Variants in ANK3 observed in about 807,000 individuals in gnomAD.
The protein encoded by ANK3 is ankyrin-3.
ANK3 carries 57 observed loss-of-function variants against 370.9 expected under a neutral mutation model. That is an observed-to-expected ratio of 0.15 (90% CI 0.12 to 0.19). The LOEUF (loss-of-function observed/expected upper bound fraction) is 0.19. Ranked by LOEUF, ANK3 falls within the 10% of genes least tolerant of loss-of-function variation. The pLI is 1.00. For missense variants in ANK3, 4,439 were observed against 5,302.1 expected, an observed-to-expected ratio of 0.84 and a Z score of 5.06; for synonymous variants, 1,929 against 1,946.3, an observed-to-expected ratio of 0.99 and a Z score of 0.23.
At chr10:60,337,550 C>T (rs2053295577) in intron 1 of ANK3, among the ~76,000 whole-genome samples, 1 of 152,096 alleles carries the variant, frequency 6.6e-6, no homozygotes, top group Non-Finnish European at 1.5e-5. Context: ...TCCTCTTTGA[C>T]CCCACAATCT....
intron 1 of ANK3, among the ~76,000 whole-genome samples, chr10:60,695,674 G>A (rs2079436762): frequency 6.6e-6 from 1 of 152,104 alleles, no homozygotes; most frequent in Admixed American, 6.6e-5. Flanking sequence ...TGAAATGAAG[G>A]CAGAAATAAA....
chr10:60,707,505 T>A (rs2079637188), intron 1 of ANK3, among the ~76,000 whole-genome samples: 1 of 152,030 alleles, frequency 6.6e-6, no homozygotes, highest in African/African-American at 2.4e-5. Context: ...GTGGCAGAAC[T>A]ACAGATACTC....
At chr10:60,431,171 G>A (rs1833661393) in intron 2 of ANK3, among the ~76,000 whole-genome samples, 1 of 152,200 alleles carries the variant, frequency 6.6e-6, no homozygotes, top group South Asian at 2.1e-4. Context: ...CCCTGAGCTT[G>A]TTTTCCTGAA....
At chr10:60,182,079 C>CTTT (rs200772662) in intron 17 of ANK3, among the ~76,000 whole-genome samples, 99 of 144,030 alleles carry the variant, frequency 6.9e-4, no homozygotes, top group African/African-American at 2.4e-3. Context: ...AAAAATTAGA[C>CTTT]TTTTTTTTTT....
At chr10:60,618,490 T>TA (rs1270244948) in intron 1 of ANK3, among the ~76,000 whole-genome samples, 2 of 151,974 alleles carry the variant, frequency 1.3e-5, no homozygotes, top group Non-Finnish European at 2.9e-5. Flanking sequence ...GCAGAGAGAA[T>TA]AAAAAACTCT....
intron 1 of ANK3, among the ~76,000 whole-genome samples, chr10:60,729,486 A>T (rs973071291): frequency 1.3e-5 from 2 of 152,342 alleles, no homozygotes; most frequent in South Asian, 4.1e-4. Flanking sequence ...ATGGCATTCA[A>T]ATTAACTTCA....
chr10:60,109,108 A>G (rs1212915343), intron 26 of ANK3, 54 bp from the exon 27 acceptor site: 54 of 1,397,252 alleles, frequency 3.9e-5, no homozygotes, highest in Non-Finnish European at 4.5e-5. Context: ...CTGTGCTCAC[A>G]GCAAGTTTGG....
intron 36 of ANK3, among the ~76,000 whole-genome samples, chr10:60,079,174 T>TACACAC (rs58239281): frequency 0.16 from 18,495 of 113,540 alleles, 1,841 homozygotes; most frequent in Middle Eastern, 0.2. Flanking sequence ...GCTACCTAGC[T>TACACAC]ACACACACAC....
intron 18 of ANK3, among the ~76,000 whole-genome samples, chr10:60,181,123 T>C (rs1005507008): frequency 6.6e-6 from 1 of 152,134 alleles, no homozygotes; most frequent in Non-Finnish European, 1.5e-5. Flanking sequence ...GCAGCTAGAA[T>C]CAAGTACCCA....
chr10:60,471,259 G>A lies in ANK3; in HGVS notation c.96+143927C>T, dbSNP rs73271030. The stretch of plus-strand genomic sequence containing the variant: ...GGAAAACAAAGCCAAGAGTTCTTGC[G>A]CATAGTCCCAGAAAACAAACAAACA... On this transcript the variant is annotated intron_variant, in intron 2 of 43. Transcript: ENST00000373827. 2.6e-3 allele frequency among the ~76,000 whole-genome samples: 403 copies of A among 152,196 alleles called. 4 individuals carry two copies. The highest frequency in any genetic ancestry group is 9.5e-3 in the African/African-American group (393 of 41,534).
At position 60,026,483 on chromosome 10, in the gene ANK3, G is replaced by GACTC. The variant is rs1488446639; in HGVS notation, c.*3359_*3362dup. 6.6e-6 allele frequency: 1 copy of GACTC among 152,206 alleles called. No individual in the cohort carries two copies. Among genetic ancestry groups the GACTC allele is most frequent in the Non-Finnish European group, 1.5e-5 (1 of 68,044 alleles). 9.4% of individuals were successfully genotyped at this position (152,206 alleles called of 1,614,324 possible). A position where few individuals can be genotyped will look rare whatever the true frequency, so the allele number is the denominator to read the frequency against. The stretch of plus-strand genomic sequence containing the variant: ...TTTGGATCACTGGCTTCTTCAGAGA[G>GACTC]ACTCAGAAGATGCCTTATTATTTTT... On this transcript the variant is annotated 3_prime_UTR_variant, in exon 44 of 44. Transcript: ENST00000280772.
At chr10:60,654,087 T>C (rs2078829638) in intron 1 of ANK3, among the ~76,000 whole-genome samples, 1 of 152,226 alleles carries the variant, frequency 6.6e-6, no homozygotes, top group African/African-American at 2.4e-5. Flanking sequence ...AATGCTATTG[T>C]AAATGAATCT....
At chr10:60,628,870 C>T (rs964497846) in intron 1 of ANK3, among the ~76,000 whole-genome samples, 1 of 152,154 alleles carries the variant, frequency 6.6e-6, no homozygotes, top group Non-Finnish European at 1.5e-5. Context: ...CATGACATGC[C>T]TAACATTTCC....
At chr10:60,166,432 G>A (rs4245585) in intron 23 of ANK3, among the ~76,000 whole-genome samples, 159 bp downstream of exon 23, 112,079 of 152,040 alleles carry the variant, frequency 0.74, 42,064 homozygotes, top group African/African-American at 0.87. Context: ...AGGAGAGCTA[G>A]TAGTACCAGA....
intron 1 of ANK3, among the ~76,000 whole-genome samples, chr10:60,725,096 A>G (rs2079922868): frequency 6.6e-6 from 1 of 152,238 alleles, no homozygotes; most frequent in South Asian, 2.1e-4. Context: ...AAGTACTCTT[A>G]CAAAATGTGC....
chr10:60,188,545 T>C (rs1344928705), intron 16 of ANK3, among the ~76,000 whole-genome samples: 1 of 152,108 alleles, frequency 6.6e-6, no homozygotes, highest in Non-Finnish European at 1.5e-5. Context: ...TGTGGAAGGA[T>C]CACAAACAAC....
intron 2 of ANK3, among the ~76,000 whole-genome samples, chr10:60,434,595 G>A (rs916494208): frequency 2.0e-5 from 3 of 152,204 alleles, no homozygotes; most frequent in African/African-American, 7.2e-5. Flanking sequence ...GAATGGAATT[G>A]TTAACAGCAT....
intron 1 of ANK3, among the ~76,000 whole-genome samples, chr10:60,666,803 T>A (rs1418138762): frequency 6.6e-6 from 1 of 152,172 alleles, no homozygotes; most frequent in East Asian, 1.9e-4. Context: ...TCCTTCAGGG[T>A]GCCTAAAACT....
chr10:60,134,322 A>G lies in ANK3; in HGVS notation c.2790T>C (p.Tyr930=), dbSNP rs922342349. 1.2e-6 allele frequency: 2 copies of G among 1,614,022 alleles called. No homozygotes were observed. Among genetic ancestry groups the G allele is most frequent in the Non-Finnish European group, 1.7e-6 (2 of 1,179,944 alleles). Residue 930 remains tyrosine (Y), a synonymous_variant, in exon 25 of 44, where the codon TAT becomes TAC. Coordinates refer to ENST00000280772, the MANE Select transcript of ANK3 (RefSeq NM_020987.5). ...CTTCAATCATCATGCTGTCCCGTGC[A>G]TAGGAGCTTCTGTTCAAGGTGTAAG... The part of the protein sequence containing the change: ...DRSYTLNRSS[Y]ARDSMMIEEL...
Sources: allele counts gnomAD v4.1 joint callset (sites outside exome capture counted in the v4.1 genomes callset), GRCh38; gene constraint gnomAD v4.1.1; transcripts MANE v1.5; gene names NCBI Gene and HGNC (gene_info 2026-07-23, HGNC 2026-07-21).